LPP: variants seen among roughly 807,000 people sequenced by gnomAD.
LPP encodes the protein lipoma-preferred partner.
LPP carries 38 observed loss-of-function variants against 60.4 expected under a neutral mutation model. The ratio of observed to expected loss-of-function variants is 0.63; its 90% confidence interval spans 0.49 to 0.83. The LOEUF (loss-of-function observed/expected upper bound fraction) is 0.83, where lower values mean the gene tolerates loss of function less well. Ranked by LOEUF, LPP falls within the 40% of genes least tolerant of loss-of-function variation. LPP has a pLI of 0.00. For missense variants in LPP, 902 were observed against 783.6 expected (o/e 1.15, Z -1.80); for synonymous variants, 328 against 290.8 (o/e 1.13, Z -1.30).
At chr3:188,322,035 A>T (rs1757102609) in intron 2 of LPP, among the ~76,000 whole-genome samples, 1 of 152,062 alleles carries the variant, frequency 6.6e-6, no homozygotes, top group Non-Finnish European at 1.5e-5. Flanking sequence ...TCACCTCATC[A>T]CTCTCTAGGT....
chr3:188,721,059 A>G (rs1716155414), intron 8 of LPP, among the ~76,000 whole-genome samples: 1 of 152,144 alleles, frequency 6.6e-6, no homozygotes, highest in South Asian at 2.1e-4. Context: ...GTCATTAGTG[A>G]GCATCTTCAT....
chr3:188,642,209 G>A (rs1850284613), intron 7 of LPP, among the ~76,000 whole-genome samples: 1 of 152,084 alleles, frequency 6.6e-6, no homozygotes, highest in Non-Finnish European at 1.5e-5. Flanking sequence ...TTCTCACTGA[G>A]CTAAGAAATC....
At chr3:188,252,069 T>TAC (rs1290723766) in intron 2 of LPP, among the ~76,000 whole-genome samples, 11 of 101,692 alleles carry the variant, frequency 1.1e-4, no homozygotes, top group African/African-American at 4.9e-4. Context: ...TATATATATA[T>TAC]ATATATACAC....
chr3:188,568,121 C>G (rs1832631121), intron 6 of LPP: 1 of 151,944 alleles, frequency 6.6e-6, no homozygotes, highest in African/African-American at 2.4e-5. Context: ...ATCAATTTAC[C>G]TACTGAGGAG....
chr3:188,534,110 T>C (rs1239153438), intron 6 of LPP, among the ~76,000 whole-genome samples: 1 of 152,224 alleles, frequency 6.6e-6, no homozygotes, highest in Non-Finnish European at 1.5e-5. Context: ...TGGCTCTGAA[T>C]GTATCTTAGC....
intron 9 of LPP, among the ~76,000 whole-genome samples, chr3:188,770,155 C>T (rs888571555): frequency 5.2e-5 from 7 of 135,662 alleles, no homozygotes; most frequent in African/African-American, 1.9e-4. Flanking sequence ...CATTTTCTTT[C>T]ATAGTTATAA....
intron 4 of LPP, chr3:188,472,828 C>T (rs1802193020): frequency 6.6e-6 from 1 of 152,146 alleles, no homozygotes; most frequent in Non-Finnish European, 1.5e-5. Flanking sequence ...TTCCAAGTCT[C>T]CTAAATAGTA....
intron 9 of LPP, among the ~76,000 whole-genome samples, chr3:188,858,477 C>G (rs1764350590): frequency 6.6e-6 from 1 of 152,260 alleles, no homozygotes; most frequent in African/African-American, 2.4e-5. Context: ...ACTAAATGTT[C>G]TATAATTGAG....
rs898215016 is a variant in LPP at position 188,251,747 on chromosome 3, G to A, written c.-67+26220G>A. ...CGCTCTTCAGGGATTACCTGGATTA[G>A]TTCTTTCTTCATGTGTCTTTCCCCT... is the stretch of plus-strand genomic sequence containing the variant. On this transcript the variant is annotated intron_variant, in intron 2 of 11. Transcript: ENST00000617246. Among the ~76,000 whole-genome samples, 4 of 151,920 alleles carry A rather than the reference G, an allele frequency of 2.6e-5. No individual in the cohort carries two copies. The East Asian group carries it at 5.8e-4, about 22-fold the overall frequency.
chr3:188,379,917 A>C (rs1033536309), intron 3 of LPP, among the ~76,000 whole-genome samples: 1 of 152,168 alleles, frequency 6.6e-6, no homozygotes, highest in Non-Finnish European at 1.5e-5. Flanking sequence ...GCCTGTAGGG[A>C]ATGTTACAGG....
chr3:188,318,252 A>G (rs1755694670), intron 2 of LPP, among the ~76,000 whole-genome samples: 1 of 152,186 alleles, frequency 6.6e-6, no homozygotes, highest in South Asian at 2.1e-4. Flanking sequence ...AAAAATGTTC[A>G]GGAGGAATTC....
chr3:188,434,127 G>A (rs772875145), intron 4 of LPP, among the ~76,000 whole-genome samples: 3 of 152,250 alleles, frequency 2.0e-5, no homozygotes, highest in East Asian at 1.9e-4. Flanking sequence ...CTTGTTAATC[G>A]TGTAGCAGTC....
intron 8 of LPP, among the ~76,000 whole-genome samples, chr3:188,728,863 T>G (rs1206252092): frequency 2.1e-5 from 3 of 144,308 alleles, no homozygotes; most frequent in African/African-American, 4.9e-5. Flanking sequence ...AGAATTACTA[T>G]AAGTGCTTTC....
intron 9 of LPP, among the ~76,000 whole-genome samples, chr3:188,845,354 G>C (rs916147041): frequency 6.6e-6 from 1 of 152,222 alleles, no homozygotes; most frequent in Non-Finnish European, 1.5e-5. Flanking sequence ...TTATGCCTCT[G>C]TCACTAAAGG....
At chr3:188,249,896 TATA>T (rs1560157016) in intron 2 of LPP, among the ~76,000 whole-genome samples, 1 of 133,734 alleles carries the variant, frequency 7.5e-6, no homozygotes, top group African/African-American at 3.2e-5. Context: ...TATATATATA[TATA>T]TATTTTTTTT....
chr3:188,413,223 C>T (rs1006971451), intron 4 of LPP, among the ~76,000 whole-genome samples: 3 of 152,074 alleles, frequency 2.0e-5, no homozygotes, highest in Non-Finnish European at 2.9e-5. Context: ...ATTTTTGCTG[C>T]GAACGTATGG....
chr3:188,720,421 C>A (rs4478071), intron 8 of LPP, among the ~76,000 whole-genome samples: 111,770 of 151,972 alleles, frequency 0.74, 41,974 homozygotes, highest in African/African-American at 0.91. Flanking sequence ...TTTTCCATCC[C>A]GGTTCAGAGG....
At position 188,888,339 on chromosome 3, in the gene LPP, C is replaced by T; in HGVS notation, c.*13860C>T. The T allele has an allele frequency of 4.4e-6, 1 of 227,964 alleles. No homozygotes were observed. Among genetic ancestry groups the T allele is most frequent in the East Asian group, 6.3e-5 (1 of 15,998 alleles). 14.1% of individuals were successfully genotyped at this position (227,964 alleles called of 1,614,324 possible). On this transcript the variant is annotated 3_prime_UTR_variant, in exon 12 of 12. Coordinates refer to ENST00000617246, the MANE Select transcript of LPP (RefSeq NM_001375462.1). ...TACAGAGCCTGAGGATAGTAATTTT[C>T]CCTGAGCCACGCACACAGGCTTTTA...
intron 6 of LPP, among the ~76,000 whole-genome samples, chr3:188,569,712 C>A (rs1833073935): frequency 6.6e-6 from 1 of 151,940 alleles, no homozygotes; most frequent in South Asian, 2.1e-4. Context: ...TGGCAGAGGT[C>A]ATGTTTCAGC....
Sources: gnomAD v4.1 joint callset for allele counts (sites outside exome capture counted in the v4.1 genomes callset) on GRCh38, gnomAD v4.1.1 for gene constraint, MANE v1.5 for transcripts, NCBI Gene and HGNC (gene_info 2026-07-23, HGNC 2026-07-21) for gene names.